PDZD2: variants seen among roughly 807,000 people sequenced by gnomAD.
The protein encoded by PDZD2 is PDZ domain containing 2.
Under a neutral mutation model 220.7 loss-of-function variants are expected in PDZD2, and 90 were observed. The observed-to-expected ratio is 0.41, with a 90% confidence interval of 0.34 to 0.49. The LOEUF is 0.49. PDZD2 is among the 20% of genes least tolerant of loss of function. The probability of loss-of-function intolerance (pLI) is 0.28; values close to 1 mark genes in which losing one functional copy is unlikely to be tolerated. For synonymous variants in PDZD2, 1,375 were observed against 1,450.5 expected (o/e 0.95, Z 1.18); for missense variants, 3,174 against 3,608.5 (o/e 0.88, Z 3.08).
At chr5:32,066,976 T>G (rs950532658) in intron 14 of PDZD2, among the ~76,000 whole-genome samples, 1 of 152,260 alleles carries the variant, frequency 6.6e-6, no homozygotes, top group African/African-American at 2.4e-5. Flanking sequence ...TGTTTCTTCC[T>G]AGGTAAACGT....
At chr5:31,872,610 C>G (rs1738918204) in intron 2 of PDZD2, among the ~76,000 whole-genome samples, 1 of 152,186 alleles carries the variant, frequency 6.6e-6, no homozygotes, top group African/African-American at 2.4e-5. Context: ...GCAGGCTTTT[C>G]TGCCCTTTAC....
intron 2 of PDZD2, chr5:31,908,391 G>T: frequency 2.3e-6 from 1 of 441,678 alleles, no homozygotes. Context: ...TGTCAGCCAT[G>T]ATCAGGTGTG....
At chr5:31,660,662 T>C (rs776122837) in intron 1 of PDZD2, among the ~76,000 whole-genome samples, 18 of 152,122 alleles carry the variant, frequency 1.2e-4, no homozygotes, top group Non-Finnish European at 2.5e-4. Flanking sequence ...TTAAATTACC[T>C]CCCACTGAGT....
At chr5:31,951,312 C>T (rs1747161682) in intron 2 of PDZD2, among the ~76,000 whole-genome samples, 1 of 152,218 alleles carries the variant, frequency 6.6e-6, no homozygotes, top group Non-Finnish European at 1.5e-5. Flanking sequence ...CAGTGATCCT[C>T]CTGCCTCAGC....
chr5:31,849,036 G>C (rs959039697), intron 2 of PDZD2, among the ~76,000 whole-genome samples: 10 of 152,152 alleles, frequency 6.6e-5, no homozygotes, highest in Non-Finnish European at 2.9e-5. Flanking sequence ...GCGACAGAGC[G>C]AGACTCCATC....
At chr5:32,002,904 C>CACACACA (rs1752348104) in intron 5 of PDZD2, among the ~76,000 whole-genome samples, 29 of 17,508 alleles carry the variant, frequency 1.7e-3, no homozygotes, top group African/African-American at 5.4e-3. Flanking sequence ...AACACACACC[C>CACACACA]CCACCACACA....
At chr5:31,850,933 G>T (rs948370542) in intron 2 of PDZD2, among the ~76,000 whole-genome samples, 9 of 152,004 alleles carry the variant, frequency 5.9e-5, no homozygotes, top group Non-Finnish European at 1.2e-4. Flanking sequence ...ACTGTGCCTG[G>T]CCTCCCAAAT....
At chr5:31,877,810 C>T (rs1464042526) in intron 2 of PDZD2, among the ~76,000 whole-genome samples, 3 of 152,144 alleles carry the variant, frequency 2.0e-5, no homozygotes, top group Non-Finnish European at 2.9e-5. Context: ...CTACCTCACC[C>T]TCCCGAGCAG....
In PDZD2 at chr5:31,959,174, G is replaced by A. The variant is rs766882891; in HGVS notation, c.477-23981G>A. 1.3e-3 allele frequency among the ~76,000 whole-genome samples: 187 copies of A among 149,378 alleles called. 1 individual carries two copies. Among genetic ancestry groups the A allele is most frequent in the Non-Finnish European group, 2.1e-3 (140 of 67,398 alleles). ...TCTTCAACTACTGACCTTGTGATCC[G>A]CCCTCCTCAGCCTCCCAAAGTGCTG... On this transcript the variant is annotated intron_variant, in intron 2 of 24. Coordinates refer to ENST00000438447, the MANE Select transcript of PDZD2 (RefSeq NM_178140.4).
chr5:31,854,780 C>T (rs1185170914), intron 2 of PDZD2, among the ~76,000 whole-genome samples: 6 of 152,208 alleles, frequency 3.9e-5, no homozygotes, highest in African/African-American at 1.4e-4. Flanking sequence ...TTCCTTTTCC[C>T]GGCGAGGGGA....
At chr5:31,998,002 C>G (rs906031048) in intron 4 of PDZD2, among the ~76,000 whole-genome samples, 1 of 152,016 alleles carries the variant, frequency 6.6e-6, no homozygotes, top group Non-Finnish European at 1.5e-5. Context: ...GCCACCATAC[C>G]CGGCTAATTT....
At chr5:31,667,257 A>AAAG (rs1554060941) in intron 1 of PDZD2, among the ~76,000 whole-genome samples, 3 of 149,432 alleles carry the variant, frequency 2.0e-5, no homozygotes, top group African/African-American at 7.4e-5. Flanking sequence ...AAAAAAAAAA[A>AAAG]GAGTACCTGC....
intron 2 of PDZD2, among the ~76,000 whole-genome samples, chr5:31,930,344 T>C (rs1348069362): frequency 6.6e-6 from 1 of 151,762 alleles, no homozygotes; most frequent in Non-Finnish European, 1.5e-5. Context: ...TAGCTGGGAC[T>C]ACACCACGCC....
At chr5:31,879,406 A>T (rs1307558107) in intron 2 of PDZD2, among the ~76,000 whole-genome samples, 1 of 151,982 alleles carries the variant, frequency 6.6e-6, no homozygotes, top group Non-Finnish European at 1.5e-5. Context: ...AAAAAAAAAA[A>T]AAATGGACGT....
chr5:32,100,279 A>G (rs1194862105), intron 23 of PDZD2: 1 of 165,900 alleles, frequency 6.0e-6, no homozygotes, highest in Non-Finnish European at 1.3e-5. Context: ...CAGTGAACAG[A>G]GGAAGCAGGC....
intron 1 of PDZD2, among the ~76,000 whole-genome samples, chr5:31,785,883 G>T (rs1286317828): frequency 1.3e-5 from 2 of 151,880 alleles, no homozygotes; most frequent in Non-Finnish European, 2.9e-5. Flanking sequence ...GCTATCTCAC[G>T]TCTTCTTACA....
intron 24 of PDZD2, among the ~76,000 whole-genome samples, chr5:32,107,650 A>G (rs1255819844): frequency 6.6e-6 from 1 of 152,176 alleles, no homozygotes; most frequent in Non-Finnish European, 1.5e-5. Context: ...ATTTTGTGTT[A>G]TTCTTGTTGA....
At chr5:31,810,564 C>T (rs1416235629) in intron 2 of PDZD2, among the ~76,000 whole-genome samples, 5 of 152,274 alleles carry the variant, frequency 3.3e-5, no homozygotes, top group South Asian at 2.1e-4. Flanking sequence ...CACGACCAGC[C>T]GCCTCCAGAG....
chr5:31,857,464 G>A (rs1289125878), intron 2 of PDZD2, among the ~76,000 whole-genome samples: 1 of 152,196 alleles, frequency 6.6e-6, no homozygotes, highest in Non-Finnish European at 1.5e-5. Flanking sequence ...TGGGAGGCAA[G>A]TTTTTTGAGA....
Sources: gnomAD v4.1 joint callset for allele counts (sites outside exome capture counted in the v4.1 genomes callset) on GRCh38, gnomAD v4.1.1 for gene constraint, MANE v1.5 for transcripts, NCBI Gene and HGNC (gene_info 2026-07-23, HGNC 2026-07-21) for gene names.